The following DPP10 variants were observed in gnomAD, a reference collection of about 807,000 sequenced individuals.
DPP10 encodes the protein inactive dipeptidyl peptidase 10.
In DPP10, 33 loss-of-function variants were observed where a neutral mutation model predicts 120.9. The ratio of observed to expected loss-of-function variants is 0.27; its 90% CI spans 0.21 to 0.37. DPP10 has a LOEUF of 0.37. DPP10 is among the 10% of genes least tolerant of loss of function. The pLI is 1.00. For synonymous variants in DPP10, 337 were observed against 326.1 expected (o/e 1.03, Z -0.36); for missense variants, 816 against 942.8 (o/e 0.87, Z 1.76).
chr2:115,331,864 G>A (rs1305288639), intron 2 of DPP10, among the ~76,000 whole-genome samples: 1 of 152,082 alleles, frequency 6.6e-6, no homozygotes, highest in Non-Finnish European at 1.5e-5. Flanking sequence ...TGTTCATCAG[G>A]GATATTGGTC....
chr2:115,330,462 G>C (rs1383516217), intron 2 of DPP10, among the ~76,000 whole-genome samples: 3 of 151,672 alleles, frequency 2.0e-5, no homozygotes, highest in Admixed American at 1.3e-4. Context: ...GTCAATTGTG[G>C]CTTTTGTTGC....
At chr2:115,765,259 C>G (rs1252759203) in intron 12 of DPP10, among the ~76,000 whole-genome samples, 1 of 152,028 alleles carries the variant, frequency 6.6e-6, no homozygotes, top group Non-Finnish European at 1.5e-5. Flanking sequence ...GCTTATATAT[C>G]TGTATATGAG....
chr2:115,361,778 C>T (rs1252277800), intron 3 of DPP10, among the ~76,000 whole-genome samples: 1 of 151,966 alleles, frequency 6.6e-6, no homozygotes, highest in African/African-American at 2.4e-5. Context: ...CCTCTTCATC[C>T]TCAGTGTTTG....
chr2:115,740,623 T>C (rs921787177), intron 9 of DPP10, among the ~76,000 whole-genome samples: 7 of 152,106 alleles, frequency 4.6e-5, no homozygotes, highest in Admixed American at 1.3e-4. Context: ...TGAAGAAATA[T>C]GGCAATATGT....
In DPP10 at chr2:115,827,796, C is replaced by G. The variant is rs537622085; in HGVS notation, c.1951-8361C>G. Among the ~76,000 whole-genome samples the G allele has an allele frequency of 1.1e-4, 17 of 151,846 alleles. No individual in the cohort carries two copies. In the East Asian group the frequency reaches 2.5e-3, roughly 23 times the overall value. Reference sequence around the variant, plus strand: ...TTATTAGTAGAGATGGGGGTTTCACCGTTATGGCCAGGCTGGTCTCAAACT... The same window carrying G: ...TTATTAGTAGAGATGGGGGTTTCACGGTTATGGCCAGGCTGGTCTCAAACT... On this transcript the variant is annotated intron_variant, in intron 21 of 25. Transcript: ENST00000410059.
Position 115,379,173 on chromosome 2 carries a change from A to C in DPP10, c.271+35261A>C, listed in dbSNP as rs1216849513. ...TCTGGTAGAATTCAGCTGTGAATCC[A>C]TCTGGTCCTGGACTTTTTTTGGTAG... On this transcript the variant is annotated intron_variant, in intron 3 of 25. Transcript: ENST00000410059. 2.6e-5 allele frequency among the ~76,000 whole-genome samples: 4 copies of C among 152,184 alleles called. No individual in the cohort carries two copies. In the South Asian group the frequency reaches 6.2e-4, roughly 24 times the overall value.
chr2:114,504,457 G>A (rs1024544617), intron 1 of DPP10, among the ~76,000 whole-genome samples: 1 of 152,044 alleles, frequency 6.6e-6, no homozygotes, highest in Admixed American at 6.6e-5. Flanking sequence ...ACTCCAGCCT[G>A]CAACTAAGCC....
At chr2:115,569,349 G>A (rs2081203972) in intron 5 of DPP10, among the ~76,000 whole-genome samples, 1 of 152,158 alleles carries the variant, frequency 6.6e-6, no homozygotes, top group Non-Finnish European at 1.5e-5. Context: ...AATGTATTAG[G>A]TAAAGAAGTT....
intron 1 of DPP10, among the ~76,000 whole-genome samples, chr2:114,583,367 T>C (rs1034316006): frequency 6.6e-6 from 1 of 152,202 alleles, no homozygotes; most frequent in African/African-American, 2.4e-5. Context: ...CAAAACACCA[T>C]TTCTACTCAA....
chr2:115,481,900 A>G (rs1020381318), intron 3 of DPP10, among the ~76,000 whole-genome samples: 1 of 152,084 alleles, frequency 6.6e-6, no homozygotes, highest in African/African-American at 2.4e-5. Context: ...ATATTAGTAG[A>G]GGTAAGGATG....
chr2:114,637,137 T>A lies in DPP10; in HGVS notation c.60+194299T>A, dbSNP rs575164867. On this transcript the variant is annotated intron_variant, in intron 1 of 25. Transcript: ENST00000410059. ...AATGGGATGAGATTCTAATATCTTG[T>A]ATTTTAAGATCCCTAAATAAGCAAG... 5.5e-4 allele frequency among the ~76,000 whole-genome samples: 84 copies of A among 152,094 alleles called. 3 individuals carry two copies. Among genetic ancestry groups the A allele is most frequent in the African/African-American group, 2.0e-3 (84 of 41,366 alleles).
chr2:115,244,791 G>A (rs10194500), intron 1 of DPP10, among the ~76,000 whole-genome samples: 2 of 148,580 alleles, frequency 1.3e-5, no homozygotes, highest in South Asian at 4.2e-4. Context: ...ATATATATAT[G>A]TGTGTGTGTG....
chr2:115,173,160 T>C (rs2053473979), intron 1 of DPP10, among the ~76,000 whole-genome samples: 2 of 152,238 alleles, frequency 1.3e-5, no homozygotes, highest in Admixed American at 6.5e-5. Context: ...GCATTTGGAC[T>C]GCAGCTTCGT....
At chr2:115,388,506 G>A (rs1230673853) in intron 3 of DPP10, among the ~76,000 whole-genome samples, 1 of 152,162 alleles carries the variant, frequency 6.6e-6, no homozygotes, top group Admixed American at 6.5e-5. Flanking sequence ...TTGTAGCAGT[G>A]GAGATAGAAG....
At chr2:114,483,496 AC>A (rs1558800880) in intron 1 of DPP10, among the ~76,000 whole-genome samples, 1 of 152,128 alleles carries the variant, frequency 6.6e-6, no homozygotes, top group Non-Finnish European at 1.5e-5. Context: ...ACCAGGAACC[AC>A]ATCGATCCTG....
chr2:115,638,830 A>C (rs2086556127), intron 5 of DPP10, among the ~76,000 whole-genome samples: 1 of 152,176 alleles, frequency 6.6e-6, no homozygotes, highest in South Asian at 2.1e-4. Context: ...TTATTATAGG[A>C]ATCAGACCTT....
intron 1 of DPP10, among the ~76,000 whole-genome samples, chr2:114,814,330 C>A (rs1042823550): frequency 6.6e-6 from 1 of 151,566 alleles, no homozygotes; most frequent in African/African-American, 2.4e-5. Context: ...AAATTGAGAA[C>A]GTGAGTGAAG....
At chr2:114,517,953 C>G (rs937560232) in intron 1 of DPP10, among the ~76,000 whole-genome samples, 4 of 151,900 alleles carry the variant, frequency 2.6e-5, no homozygotes, top group Admixed American at 2.6e-4. Flanking sequence ...GTCTTCTGCA[C>G]CGATTCAGTC....
At chr2:115,712,543 A>ATATATATATATATATATATAT (rs56675119) in intron 7 of DPP10, among the ~76,000 whole-genome samples, 3,756 of 64,032 alleles carry the variant, frequency 0.059, 1,213 homozygotes, top group South Asian at 0.086. Context: ...TCCTGAATTA[A>ATATATATATATATATATATAT]ATATATATAT....
Sources: gnomAD v4.1 joint callset for allele counts (sites outside exome capture counted in the v4.1 genomes callset) on GRCh38, gnomAD v4.1.1 for gene constraint, MANE v1.5 for transcripts, NCBI Gene and HGNC (gene_info 2026-07-23, HGNC 2026-07-21) for gene names.